NUP210L: variants seen among roughly 807,000 people sequenced by gnomAD.
The protein encoded by NUP210L is nucleoporin 210 like, also known as nuclear pore membrane glycoprotein 210-like.
Under a neutral mutation model 208.5 loss-of-function variants are expected in NUP210L, and 74 were observed. The observed-to-expected ratio is 0.35, with a 90% confidence interval of 0.29 to 0.43. NUP210L has a LOEUF of 0.43. Ranked by LOEUF, NUP210L falls within the 20% of genes least tolerant of loss-of-function variation. The probability of loss-of-function intolerance (pLI) is 1.00; values close to 1 mark genes in which losing one functional copy is unlikely to be tolerated. For synonymous variants in NUP210L, 780 were observed against 816.9 expected, an observed-to-expected ratio of 0.95 and a Z score of 0.77; for missense variants, 1,843 against 2,289.4, an observed-to-expected ratio of 0.81 and a Z score of 3.98.
chr1:154,024,544 AAC>A (rs1651747895), intron 30 of NUP210L, among the ~76,000 whole-genome samples: 1 of 152,154 alleles, frequency 6.6e-6, no homozygotes, highest in African/African-American at 2.4e-5. Context: ...TTTAAAAAGA[AAC>A]AGATTGTTGC....
intron 21 of NUP210L, 45 bp downstream of exon 21, chr1:154,058,520 G>T (rs1186031513): frequency 5.6e-6 from 9 of 1,598,066 alleles, no homozygotes; most frequent in Non-Finnish European, 7.7e-6. Context: ...TGGGTAGTGA[G>T]AATAAGTCTT....
At chr1:154,138,626 T>C (rs1658673908) in intron 5 of NUP210L, among the ~76,000 whole-genome samples, 4 of 152,350 alleles carry the variant, frequency 2.6e-5, no homozygotes, top group Admixed American at 2.0e-4. Context: ...AACACATTGA[T>C]TTTTATGAAG....
chr1:154,081,938 C>T (rs1385357482), intron 16 of NUP210L, among the ~76,000 whole-genome samples: 4 of 152,048 alleles, frequency 2.6e-5, no homozygotes, highest in Admixed American at 1.3e-4. Flanking sequence ...GCCATAATCA[C>T]GCCATTGCAC....
intron 25 of NUP210L, among the ~76,000 whole-genome samples, chr1:154,049,255 C>T (rs1027206305): frequency 1.3e-5 from 2 of 152,174 alleles, no homozygotes; most frequent in Non-Finnish European, 2.9e-5. Context: ...ATTATAACTT[C>T]TGTACCCTTA....
intron 35 of NUP210L, 105 bp from the exon 36 acceptor site, chr1:154,002,090 G>A: frequency 8.6e-7 from 1 of 1,168,842 alleles, no homozygotes; most frequent in Non-Finnish European, 1.2e-6. Context: ...TTCAGCAAAA[G>A]AGAAAATGTG....
chr1:153,995,775 G>A, intron 37 of NUP210L: 2 of 674,112 alleles, frequency 3.0e-6, no homozygotes, highest in East Asian at 3.1e-5. Flanking sequence ...CATGTGGCAT[G>A]TGCCCAGGCA....
At chr1:154,114,785 G>A (rs999549368) in intron 12 of NUP210L, among the ~76,000 whole-genome samples, 1 of 151,188 alleles carries the variant, frequency 6.6e-6, no homozygotes, top group Middle Eastern at 3.2e-3. Flanking sequence ...AGATGGGGGG[G>A]GGGGTCTTGC....
At chr1:154,091,116 G>T (rs1655889936) in intron 15 of NUP210L, among the ~76,000 whole-genome samples, 1 of 126,696 alleles carries the variant, frequency 7.9e-6, no homozygotes, top group Non-Finnish European at 1.7e-5. Flanking sequence ...TATTATTTGA[G>T]AAAAAGTCTC....
At chr1:154,003,980 T>C (rs905814198) in intron 35 of NUP210L, among the ~76,000 whole-genome samples, 1 of 152,164 alleles carries the variant, frequency 6.6e-6, no homozygotes, top group African/African-American at 2.4e-5. Context: ...GGCTAGACCC[T>C]TACTAGTCTG....
At chr1:154,071,372 G>A (rs180889556) in intron 16 of NUP210L, among the ~76,000 whole-genome samples, 2 of 151,924 alleles carry the variant, frequency 1.3e-5, no homozygotes, top group East Asian at 3.9e-4. Flanking sequence ...GATGATTTGT[G>A]AGATTCTGGT....
At position 154,109,568 on chromosome 1, in the gene NUP210L, A is replaced by G. The variant is rs1460680547; in HGVS notation, c.1621-5358T>C. On this transcript the variant is annotated intron_variant, in intron 12 of 39. Transcript: ENST00000368559. ...TCTAATAGAATTTACAGAACTTTTC[A>G]TTCAATGGCTGCAGAATACACATTC... 1.3e-5 allele frequency among the ~76,000 whole-genome samples: 2 copies of G among 151,648 alleles called. 1 individual carries two copies. Among genetic ancestry groups the G allele is most frequent in the African/African-American group, 4.9e-5 (2 of 40,914 alleles).
At chr1:154,105,413 C>G (rs1466010061) in intron 12 of NUP210L, among the ~76,000 whole-genome samples, 32 of 151,350 alleles carry the variant, frequency 2.1e-4, no homozygotes, top group Admixed American at 2.0e-3. Context: ...TGCTTGAACC[C>G]GGGGGGTGGA....
At position 154,147,756 on chromosome 1, in the gene NUP210L, A is replaced by G. The variant is rs6427467; in HGVS notation, c.341-4179T>C. Among the ~76,000 whole-genome samples, 766 of 150,796 alleles carry G rather than the reference A, an allele frequency of 5.1e-3. 4 individuals are homozygous for G. The highest frequency in any genetic ancestry group is 0.026 in the East Asian group (128 of 4,990). On this transcript the variant is annotated intron_variant, in intron 2 of 39. Coordinates refer to ENST00000368559, the Ensembl canonical transcript of NUP210L. ...TCTGCCTCTGGGGTTCTGGGGTTCA[A>G]GCAATCCTCGTCCCTCAGCCTCCAG... is the stretch of plus-strand genomic sequence containing the variant.
intron 25 of NUP210L, among the ~76,000 whole-genome samples, chr1:154,050,018 A>G (rs192141977): frequency 9.9e-5 from 15 of 152,284 alleles, no homozygotes; most frequent in African/African-American, 3.6e-4. Context: ...CCTTATATGG[A>G]CGATATACTT....
At chr1:154,060,502 C>A (rs780629294) in intron 20 of NUP210L, 38 bp downstream of exon 20, 3 of 1,302,936 alleles carry the variant, frequency 2.3e-6, no homozygotes, top group Non-Finnish European at 3.3e-6. Flanking sequence ...TGAGCTTTGG[C>A]CTGAGACCAT....
chr1:154,082,059 T>C (rs934045374), intron 16 of NUP210L, among the ~76,000 whole-genome samples: 3 of 152,232 alleles, frequency 2.0e-5, no homozygotes, highest in Admixed American at 6.5e-5. Context: ...CCACCTGTTA[T>C]GTTTTCACCA....
intron 17 of NUP210L, among the ~76,000 whole-genome samples, chr1:154,062,683 G>A (rs1033693065): frequency 2.1e-5 from 3 of 145,216 alleles, no homozygotes; most frequent in East Asian, 2.1e-4. Context: ...TACCTACCCG[G>A]CTCAAGCAGT....
chr1:154,130,941 C>G (rs1051575710), intron 7 of NUP210L, among the ~76,000 whole-genome samples: 2 of 151,992 alleles, frequency 1.3e-5, no homozygotes, highest in African/African-American at 4.8e-5. Flanking sequence ...AGGTTTAGTT[C>G]TGATATGTAC....
At chr1:154,115,893 C>T (rs949550283) in intron 12 of NUP210L, among the ~76,000 whole-genome samples, 1 of 151,764 alleles carries the variant, frequency 6.6e-6, no homozygotes, top group Non-Finnish European at 1.5e-5. Flanking sequence ...CCGGGGTGGG[C>T]GGATCACTTG....
Sources: gnomAD v4.1 joint callset for allele counts (sites outside exome capture counted in the v4.1 genomes callset) on GRCh38, gnomAD v4.1.1 for gene constraint, MANE v1.5 for transcripts, NCBI Gene and HGNC (gene_info 2026-07-23, HGNC 2026-07-21) for gene names.